WNK2: variants seen among roughly 807,000 people sequenced by gnomAD.
The protein encoded by WNK2 is serine/threonine-protein kinase WNK2.
A neutral mutation model predicts 192.1 loss-of-function variants in WNK2; 67 were observed. The ratio of observed to expected loss-of-function variants is 0.35; its 90% confidence interval spans 0.29 to 0.43. The LOEUF is 0.43. Among genes scored for constraint, WNK2 ranks in the 20% least tolerant of loss-of-function variants. WNK2 has a pLI of 1.00. For synonymous variants in WNK2, 1,439 were observed against 1,393.9 expected (o/e 1.03, Z -0.72); for missense variants, 2,698 against 3,089.7 (o/e 0.87, Z 3.01).
intron 26 of WNK2, among the ~76,000 whole-genome samples, chr9:93,303,545 C>T (rs1310545809): frequency 2.0e-5 from 3 of 152,162 alleles, no homozygotes; most frequent in African/African-American, 7.2e-5. Flanking sequence ...AGTGCATGCT[C>T]AGCGAGGCTC....
intron 2 of WNK2, among the ~76,000 whole-genome samples, chr9:93,203,414 C>T (rs4743902): frequency 0.91 from 139,032 of 152,188 alleles, 63,673 homozygotes; most frequent in African/African-American, 0.98. Context: ...CAGATTTTCA[C>T]TGAAAGAAAG....
intron 27 of WNK2, chr9:93,307,219 A>C: frequency 5.2e-6 from 1 of 193,290 alleles, no homozygotes; most frequent in Non-Finnish European, 1.0e-5. Context: ...TCCTTGGGCC[A>C]CTCACCTCTC....
chr9:93,318,194 T>C, intron 29 of WNK2: 1 of 1,487,864 alleles, frequency 6.7e-7, no homozygotes. Context: ...TCATTTGCAA[T>C]TGGCTTGTGC....
At chr9:93,251,562 T>C (rs1399293941) in intron 8 of WNK2, among the ~76,000 whole-genome samples, 4 of 152,092 alleles carry the variant, frequency 2.6e-5, no homozygotes, top group Non-Finnish European at 4.4e-5. Context: ...ATAGAAAAAT[T>C]AGCCAGGTGT....
chr9:93,235,799 G>A (rs1168586590), intron 5 of WNK2, among the ~76,000 whole-genome samples: 1 of 152,220 alleles, frequency 6.6e-6, no homozygotes, highest in Non-Finnish European at 1.5e-5. Context: ...GCCCCTCAGT[G>A]CTGCTCTGCG....
intron 2 of WNK2, among the ~76,000 whole-genome samples, chr9:93,188,783 A>C (rs10992668): frequency 6.6e-6 from 1 of 151,956 alleles, no homozygotes; most frequent in Non-Finnish European, 1.5e-5. Flanking sequence ...GGGGGTGCTG[A>C]TCTGGGTCAC....
intron 29 of WNK2, chr9:93,318,775 TCTC>T (rs1229338540): frequency 2.8e-6 from 4 of 1,411,980 alleles, no homozygotes; most frequent in African/African-American, 1.4e-5. Context: ...GGGTCATTCT[TCTC>T]CTGGAGATTT....
At chr9:93,312,788 G>A (rs923510288) in intron 28 of WNK2, among the ~76,000 whole-genome samples, 1 of 152,182 alleles carries the variant, frequency 6.6e-6, no homozygotes, top group African/African-American at 2.4e-5. Flanking sequence ...AGTCACTGCA[G>A]CATAAGAGTT....
intron 16 of WNK2, among the ~76,000 whole-genome samples, 197 bp from the exon 17 acceptor site, chr9:93,267,549 G>C (rs1344447955): frequency 1.3e-5 from 2 of 152,232 alleles, no homozygotes; most frequent in South Asian, 4.1e-4. Context: ...TGCTTCTCAA[G>C]ATGAGGCTGC....
intron 23 of WNK2, among the ~76,000 whole-genome samples, chr9:93,294,651 G>A (rs1055292912): frequency 6.6e-6 from 1 of 152,182 alleles, no homozygotes; most frequent in African/African-American, 2.4e-5. Context: ...ACACTGGGGA[G>A]AGGAGCTGCT....
chr9:93,230,083 G>C (rs1241491967), intron 3 of WNK2, among the ~76,000 whole-genome samples: 2 of 152,170 alleles, frequency 1.3e-5, no homozygotes, highest in Admixed American at 1.3e-4. Context: ...TTCTGGCTGG[G>C]GTTCTGTTTC....
In WNK2 at chr9:93,289,153, G is replaced by A. The variant is rs1359612561; in HGVS notation, c.4399G>A (p.Asp1467Asn). 3 of 1,600,172 alleles carry A rather than the reference G, an allele frequency of 1.9e-6. No homozygotes were observed. The highest frequency in any genetic ancestry group is 2.6e-6 in the Non-Finnish European group (3 of 1,173,604). Reference sequence around the variant, plus strand: ...AGCTCCAGAGGCTGCCTCAACCAGGGACGCCAGTGCCCCAAGGGAGCCCCT... The same window carrying A: ...AGCTCCAGAGGCTGCCTCAACCAGGAACGCCAGTGCCCCAAGGGAGCCCCT... ...TPAPEAASTR[D>N]ASAPREPLPP... Residue 1467 changes from aspartate to asparagine, a missense_variant, in exon 20 of 30, where the codon GAC becomes AAC. By Grantham distance (23) the Asp-to-Asn change is conservative. Transcript: ENST00000427277.
chr9:93,319,157 C>A, intron 29 of WNK2: 1 of 1,614,086 alleles, frequency 6.2e-7, no homozygotes, highest in South Asian at 1.1e-5. Context: ...GGCACGGAAT[C>A]CCCAATAGAT....
intron 29 of WNK2, 196 bp downstream of exon 29, chr9:93,317,827 G>A: frequency 6.7e-7 from 1 of 1,498,772 alleles, no homozygotes; most frequent in Admixed American, 2.2e-5. Context: ...AGCATGCCTG[G>A]CCCCCGGCTG....
At chr9:93,221,293 C>T (rs1484539334) in intron 2 of WNK2, among the ~76,000 whole-genome samples, 1 of 152,224 alleles carries the variant, frequency 6.6e-6, no homozygotes, top group Non-Finnish European at 1.5e-5. Flanking sequence ...ACCCCCATTG[C>T]ATGTGTTCAG....
chr9:93,209,147 T>A (rs575180634), intron 2 of WNK2, among the ~76,000 whole-genome samples: 1 of 152,232 alleles, frequency 6.6e-6, no homozygotes, highest in Admixed American at 6.5e-5. Context: ...ACATAGACCT[T>A]TGAGCAGGGG....
chr9:93,246,664 G>C (rs565114659), intron 7 of WNK2, among the ~76,000 whole-genome samples: 3 of 152,270 alleles, frequency 2.0e-5, no homozygotes, highest in African/African-American at 7.2e-5. Context: ...TCCCCTCCCC[G>C]ATAGCTATGA....
intron 2 of WNK2, among the ~76,000 whole-genome samples, chr9:93,189,019 C>G (rs1829849488): frequency 6.6e-6 from 1 of 152,198 alleles, no homozygotes; most frequent in Non-Finnish European, 1.5e-5. Flanking sequence ...GCTCAGGGCT[C>G]CCACTCTCAC....
At chr9:93,282,310 G>C (rs964758572) in intron 19 of WNK2, among the ~76,000 whole-genome samples, 3 of 152,090 alleles carry the variant, frequency 2.0e-5, no homozygotes, top group African/African-American at 7.2e-5. Context: ...GGGGCAGGTG[G>C]GGAAGGAATT....
Sources: allele counts gnomAD v4.1 joint callset (sites outside exome capture counted in the v4.1 genomes callset), GRCh38; gene constraint gnomAD v4.1.1; transcripts MANE v1.5; gene names NCBI Gene and HGNC (gene_info 2026-07-23, HGNC 2026-07-21).